Variants in HOXC4 observed in about 807,000 individuals in gnomAD.
HOXC4 encodes the protein homeobox C4, also known as homeobox protein Hox-C4.
A neutral mutation model predicts 25.5 loss-of-function variants in HOXC4; 15 were observed. That is an observed-to-expected ratio of 0.59 (90% confidence interval 0.39 to 0.91). The LOEUF (loss-of-function observed/expected upper bound fraction) is 0.91, where lower values mean the gene tolerates loss of function less well. HOXC4 is among the 40% of genes least tolerant of loss of function. The pLI, the probability that HOXC4 is intolerant of heterozygous loss-of-function variation, is 0.00. For synonymous variants in HOXC4, 165 were observed against 148.0 expected, an observed-to-expected ratio of 1.11 and a Z score of -0.83; for missense variants, 342 against 352.4, an observed-to-expected ratio of 0.97 and a Z score of 0.24.
intron 1 of HOXC4, among the ~76,000 whole-genome samples, chr12:54,026,129 G>C (rs1294063290): frequency 6.6e-6 from 1 of 152,066 alleles, no homozygotes; most frequent in Non-Finnish European, 1.5e-5. Flanking sequence ...ATTGGAGGGG[G>C]GGACAGAGTT....
chr12:54,048,935 G>T (rs571265118), upstream of HOXC4, among the ~76,000 whole-genome samples: 1 of 152,222 alleles, frequency 6.6e-6, no homozygotes, highest in African/African-American at 2.4e-5. Context: ...CCAACCTGCC[G>T]CACAGCAAGG....
At chr12:54,027,973 A>C (rs1940799557) in intron 1 of HOXC4, among the ~76,000 whole-genome samples, 1 of 152,158 alleles carries the variant, frequency 6.6e-6, no homozygotes, top group Non-Finnish European at 1.5e-5. Context: ...GTGTCAAAAC[A>C]GGATTTCCTG....
chr12:54,038,033 T>C (rs912736028), intron 1 of HOXC4: 1 of 152,130 alleles, frequency 6.6e-6, no homozygotes, highest in African/African-American at 2.4e-5. Context: ...ATTCTCTCTT[T>C]CTCTCTCTCA....
At chr12:54,025,257 T>A (rs1940638926) in intron 1 of HOXC4, among the ~76,000 whole-genome samples, 2 of 152,196 alleles carry the variant, frequency 1.3e-5, no homozygotes, top group African/African-American at 2.4e-5. Flanking sequence ...GTTTCCATAA[T>A]TGTTTTCAGA....
At chr12:54,031,111 A>G (rs1291523024) in intron 1 of HOXC4, among the ~76,000 whole-genome samples, 1 of 152,264 alleles carries the variant, frequency 6.6e-6, no homozygotes, top group Non-Finnish European at 1.5e-5. Flanking sequence ...TTTGGGCACC[A>G]ACCCCACGCA....
At chr12:54,031,639 G>A (rs1405555897) in intron 1 of HOXC4, among the ~76,000 whole-genome samples, 2 of 152,144 alleles carry the variant, frequency 1.3e-5, no homozygotes, top group Admixed American at 1.3e-4. Context: ...GTCTCCGGAG[G>A]GAAAAAATCC....
intron 1 of HOXC4, among the ~76,000 whole-genome samples, chr12:54,023,333 A>G (rs1407310002): frequency 2.6e-5 from 4 of 152,224 alleles, no homozygotes; most frequent in Non-Finnish European, 4.4e-5. Flanking sequence ...ACAAATGCCA[A>G]TGTGAGAGTT....
chr12:54,033,684 C>A, intron 1 of HOXC4: 1 of 951,828 alleles, frequency 1.1e-6, no homozygotes, highest in Non-Finnish European at 1.5e-6. Flanking sequence ...ACGATCCAGG[C>A]ATCAATGGCT....
chr12:54,055,909 G>A lies in HOXC4; in HGVS notation c.*704G>A, dbSNP rs117223623. On this transcript the variant is annotated 3_prime_UTR_variant, in exon 2 of 2. Coordinates refer to ENST00000430889, the MANE Select transcript of HOXC4 (RefSeq NM_153633.3). ...GGTAGAATCTCTCCCCACCCCTATC[G>A]TGGTTATTGTGTTTTTGGACTGAAT... 5.9e-3 allele frequency: 904 copies of A among 152,704 alleles called. 4 individuals carry two copies. The highest frequency in any genetic ancestry group is 9.4e-3 in the Non-Finnish European group (637 of 68,024). 9.5% of individuals were successfully genotyped at this position (152,704 alleles called of 1,614,324 possible).
At chr12:54,033,353 C>T in intron 1 of HOXC4, 3 of 1,612,730 alleles carry the variant, frequency 1.9e-6, no homozygotes, top group Admixed American at 1.7e-5. Flanking sequence ...CCGCCTGCAG[C>T]GCCGCGGCCG....
At chr12:54,028,376 C>A (rs1940823320) in intron 1 of HOXC4, 3 of 818,734 alleles carry the variant, frequency 3.7e-6, no homozygotes, top group Non-Finnish European at 5.6e-6. Flanking sequence ...ATCTGGCTTG[C>A]GATTGGCTGG....
intron 1 of HOXC4, among the ~76,000 whole-genome samples, chr12:54,029,350 A>AT (rs1416280010): frequency 6.7e-6 from 1 of 149,016 alleles, no homozygotes; most frequent in African/African-American, 2.5e-5. Flanking sequence ...ATTATCTGGG[A>AT]TTTTTCAAAA....
At chr12:54,052,992 G>A (rs1386015), upstream of HOXC4, among the ~76,000 whole-genome samples, 2,331 of 152,276 alleles carry the variant, frequency 0.015, 151 homozygotes, top group East Asian at 0.19. Flanking sequence ...GCTCCTTGGA[G>A]ATAATTGTCA....
chr12:54,020,251 G>C (rs963267249), intron 1 of HOXC4: 3 of 152,240 alleles, frequency 2.0e-5, no homozygotes, highest in African/African-American at 7.2e-5. Flanking sequence ...ACCCGGGGCA[G>C]AGACACTGAA....
intron 1 of HOXC4, among the ~76,000 whole-genome samples, chr12:54,038,655 C>A (rs1941225252): frequency 6.6e-6 from 1 of 152,162 alleles, no homozygotes; most frequent in African/African-American, 2.4e-5. Flanking sequence ...CCGTCTGAAG[C>A]CAGTGTGGTT....
chr12:54,050,818 G>A (rs1391202421), upstream of HOXC4, among the ~76,000 whole-genome samples: 2 of 152,174 alleles, frequency 1.3e-5, no homozygotes. Flanking sequence ...TTAGCTGCAC[G>A]AACCTGGAAT....
At chr12:54,019,188 C>G (rs527758598) in intron 1 of HOXC4, among the ~76,000 whole-genome samples, 35 of 140,718 alleles carry the variant, frequency 2.5e-4, no homozygotes, top group Non-Finnish European at 4.5e-4. Flanking sequence ...CCCCCCCACC[C>G]CCAGTAGGAC....
chr12:54,018,005 C>T (rs944242105), intron 1 of HOXC4, among the ~76,000 whole-genome samples: 4 of 152,222 alleles, frequency 2.6e-5, no homozygotes, highest in African/African-American at 4.8e-5. Flanking sequence ...AGCTAGGCGG[C>T]CGGCGGGGCC....
chr12:54,033,601 G>T (rs764998400), intron 1 of HOXC4: 2 of 1,513,380 alleles, frequency 1.3e-6, no homozygotes, highest in Admixed American at 2.0e-5. Flanking sequence ...TTCATTTTGC[G>T]CTCTCGGGTC....
Sources: allele counts gnomAD v4.1 joint callset (sites outside exome capture counted in the v4.1 genomes callset), GRCh38; gene constraint gnomAD v4.1.1; transcripts MANE v1.5; gene names NCBI Gene and HGNC (gene_info 2026-07-23, HGNC 2026-07-21).